The following RNLS variants were observed in gnomAD, a reference collection of about 807,000 sequenced individuals.
RNLS encodes the protein renalase, FAD dependent amine oxidase, also known as renalase.
In RNLS, 39 loss-of-function variants were observed where a neutral mutation model predicts 39.8. The ratio of observed to expected loss-of-function variants is 0.98; its 90% confidence interval spans 0.76 to 1.28. The LOEUF is 1.28. Among genes scored for constraint, RNLS ranks in the 50% most tolerant of loss-of-function variants. RNLS has a pLI of 0.00. For missense variants in RNLS, 410 were observed against 413.3 expected (o/e 0.99, Z 0.07); for synonymous variants, 147 against 150.7 (o/e 0.98, Z 0.18).
At chr10:88,528,017 C>T (rs930685734) in intron 4 of RNLS, among the ~76,000 whole-genome samples, 2 of 150,954 alleles carry the variant, frequency 1.3e-5, no homozygotes, top group African/African-American at 2.4e-5. Flanking sequence ...TACTAAAAAA[C>T]AGAAAAGTAG....
chr10:88,191,024 C>T, the RNLS span, among the ~76,000 whole-genome samples: 1 of 152,202 alleles, frequency 6.6e-6, no homozygotes, highest in Non-Finnish European at 1.5e-5. Context: ...CAGAATTGTG[C>T]CAGGAGCTTT....
the RNLS span, among the ~76,000 whole-genome samples, chr10:88,202,865 T>C: frequency 1.3e-5 from 2 of 152,134 alleles, no homozygotes; most frequent in Non-Finnish European, 2.9e-5. Flanking sequence ...GCTACATTTC[T>C]GTGGCCACAT....
At chr10:88,515,435 G>A (rs566219112) in intron 4 of RNLS, among the ~76,000 whole-genome samples, 2 of 152,022 alleles carry the variant, frequency 1.3e-5, no homozygotes, top group Admixed American at 6.6e-5. Flanking sequence ...TTTGTGCAAC[G>A]TTCTCTCAAT....
At chr10:88,453,951 A>T (rs912914385) in intron 4 of RNLS, among the ~76,000 whole-genome samples, 1 of 152,258 alleles carries the variant, frequency 6.6e-6, no homozygotes, top group Admixed American at 6.5e-5. Context: ...AAACAAGAAC[A>T]TATTGATCTA....
At chr10:88,506,587 C>T (rs1845807432) in intron 4 of RNLS, among the ~76,000 whole-genome samples, 1 of 151,340 alleles carries the variant, frequency 6.6e-6, no homozygotes, top group African/African-American at 2.4e-5. Flanking sequence ...AAAATTTATA[C>T]ATTTATATCT....
At chr10:88,176,826 A>T in the RNLS span, among the ~76,000 whole-genome samples, 1 of 152,126 alleles carries the variant, frequency 6.6e-6, no homozygotes, top group South Asian at 2.1e-4. Flanking sequence ...TCTGAGAAAG[A>T]CTTTATTTCT....
chr10:88,477,481 T>A (rs957031285), intron 4 of RNLS, among the ~76,000 whole-genome samples: 34 of 152,166 alleles, frequency 2.2e-4, no homozygotes, highest in African/African-American at 7.5e-4. Context: ...GGGAAGAGGA[T>A]GATGGTGACA....
At position 88,581,294 on chromosome 10, in the gene RNLS, G is replaced by GTA. The variant is rs61477690; in HGVS notation, c.367+271_367+272dup. ...AATATATATGTATGTGTGTGTGTGT[G>GTA]TATATATATATATATATATATACAT... On this transcript the variant is annotated intron_variant, in intron 3 of 6. Coordinates refer to ENST00000331772, the MANE Select transcript of RNLS (RefSeq NM_001031709.3). Among the ~76,000 whole-genome samples the GTA allele has an allele frequency of 0.092, 11,875 of 129,728 alleles. 604 individuals are homozygous for GTA. Among genetic ancestry groups the GTA allele is most frequent in the African/African-American group, 0.16 (5,357 of 33,582 alleles). The allele number at this position is 129,728 out of a possible 152,430, so 85.1% of individuals were successfully genotyped here. A position where few individuals can be genotyped will look rare whatever the true frequency, so the allele number is the denominator to read the frequency against.
intron 5 of RNLS, among the ~76,000 whole-genome samples, chr10:88,327,951 C>T (rs1846756226): frequency 6.6e-6 from 1 of 152,160 alleles, no homozygotes; most frequent in South Asian, 2.1e-4. Context: ...CTCTGTCACC[C>T]AGGCTAGAGT....
chr10:88,350,003 A>C (rs576296818), intron 5 of RNLS, among the ~76,000 whole-genome samples: 9 of 152,246 alleles, frequency 5.9e-5, no homozygotes, highest in African/African-American at 2.2e-4. Context: ...TTATTTTAAG[A>C]TGAGGATTAC....
intron 4 of RNLS, among the ~76,000 whole-genome samples, chr10:88,431,451 T>G (rs34235297): frequency 1.1e-4 from 17 of 151,710 alleles, no homozygotes; most frequent in African/African-American, 4.1e-4. Flanking sequence ...TTTTCTATTG[T>G]TTTTCTGTTT....
At chr10:88,172,986 A>G in the RNLS span, among the ~76,000 whole-genome samples, 15 of 149,370 alleles carry the variant, frequency 1.0e-4, no homozygotes, top group Admixed American at 1.0e-3. Context: ...CCTCCCCACT[A>G]GCTGGGACTA....
the RNLS span, among the ~76,000 whole-genome samples, chr10:88,267,205 G>A: frequency 1.3e-5 from 2 of 152,160 alleles, no homozygotes; most frequent in Non-Finnish European, 2.9e-5. Flanking sequence ...ATCTCCCAGG[G>A]TGAAGACTCT....
At chr10:88,473,111 G>C (rs575797934) in intron 4 of RNLS, among the ~76,000 whole-genome samples, 1 of 152,232 alleles carries the variant, frequency 6.6e-6, no homozygotes, top group South Asian at 2.1e-4. Context: ...ACTGAATACT[G>C]TAGGCAACTG....
intron 4 of RNLS, among the ~76,000 whole-genome samples, chr10:88,439,781 T>A (rs747268890): frequency 3.7e-4 from 57 of 152,326 alleles, no homozygotes; most frequent in Non-Finnish European, 8.1e-4. Flanking sequence ...AGACTAACAC[T>A]CCACATCCAG....
chr10:88,200,978 A>G, the RNLS span, among the ~76,000 whole-genome samples: 18 of 124,074 alleles, frequency 1.5e-4, no homozygotes, highest in African/African-American at 5.6e-4. Flanking sequence ...AGTCAATTCC[A>G]TTAAAATGAA....
intron 4 of RNLS, among the ~76,000 whole-genome samples, chr10:88,363,232 G>A (rs1849779773): frequency 6.6e-6 from 1 of 152,008 alleles, no homozygotes; most frequent in African/African-American, 2.4e-5. Flanking sequence ...AACACACACT[G>A]GGGTCTGTTG....
intron 5 of RNLS, among the ~76,000 whole-genome samples, chr10:88,352,002 T>A (rs1409510044): frequency 6.6e-6 from 1 of 152,158 alleles, no homozygotes; most frequent in East Asian, 1.9e-4. Context: ...TGGCTCTCTG[T>A]CTGTTATTGG....
chr10:88,473,707 C>T (rs1589854444), intron 4 of RNLS, among the ~76,000 whole-genome samples: 1 of 146,398 alleles, frequency 6.8e-6, no homozygotes, highest in Admixed American at 6.8e-5. Flanking sequence ...ATTTGGGCAA[C>T]CCTTTAGACC....
Sources: allele counts gnomAD v4.1 joint callset (sites outside exome capture counted in the v4.1 genomes callset), GRCh38; gene constraint gnomAD v4.1.1; transcripts MANE v1.5; gene names NCBI Gene and HGNC (gene_info 2026-07-23, HGNC 2026-07-21).